KCNH7: variants seen among roughly 807,000 people sequenced by gnomAD.
KCNH7 encodes the protein voltage-gated inwardly rectifying potassium channel KCNH7.
Under a neutral mutation model 120.8 loss-of-function variants are expected in KCNH7, and 49 were observed. That is an observed-to-expected ratio of 0.41 (90% CI 0.32 to 0.51). KCNH7 has a LOEUF of 0.51. KCNH7 is among the 20% of genes least tolerant of loss of function. The pLI is 0.38. For missense variants in KCNH7, 1,097 were observed against 1,446.6 expected, an observed-to-expected ratio of 0.76 and a Z score of 3.92; for synonymous variants, 547 against 516.1, an observed-to-expected ratio of 1.06 and a Z score of -0.81.
chr2:162,460,745 AC>A (rs1689120027), intron 6 of KCNH7, among the ~76,000 whole-genome samples: 1 of 152,144 alleles, frequency 6.6e-6, no homozygotes, highest in Non-Finnish European at 1.5e-5. Context: ...GTTTTAAGCC[AC>A]CTAGTTCATG....
chr2:162,795,417 C>T (rs1284738273), intron 2 of KCNH7: 1 of 151,850 alleles, frequency 6.6e-6, no homozygotes, highest in African/African-American at 2.4e-5. Context: ...TTTTAAAGGA[C>T]ATTCAATTCA....
intron 2 of KCNH7, among the ~76,000 whole-genome samples, chr2:162,696,404 T>C (rs1686290035): frequency 6.6e-6 from 1 of 152,170 alleles, no homozygotes; most frequent in South Asian, 2.1e-4. Context: ...AATTCTATCA[T>C]CCCGAGTCCT....
rs1685948281 is a variant in KCNH7, at chr2:162,371,574, AAAAAAT to A, written c.*249_*254del. The A allele has an allele frequency of 1.2e-6, 1 of 862,778 alleles. No homozygotes were observed. The highest frequency in any genetic ancestry group is 1.6e-6 in the Non-Finnish European group (1 of 629,390). The allele number at this position is 862,778 out of a possible 1,614,324, so 53.4% of individuals were successfully genotyped here. On this transcript the variant is annotated 3_prime_UTR_variant, in exon 16 of 16. Transcript: ENST00000332142. Reference sequence around the variant, plus strand: ...GAGTTTCCTAACATGCATGTGATTTAAAAAATAAAAATAAAAAATAAGGTGCCGTGA... The same window carrying A: ...GAGTTTCCTAACATGCATGTGATTTAAAAAATAAAAAATAAGGTGCCGTGA...
At chr2:162,812,940 T>C (rs1181286572) in intron 2 of KCNH7, among the ~76,000 whole-genome samples, 2 of 152,038 alleles carry the variant, frequency 1.3e-5, no homozygotes, top group African/African-American at 2.4e-5. Context: ...AACTCAAAGA[T>C]TCCTGGAACT....
At chr2:162,741,252 AG>A (rs1202079643) in intron 2 of KCNH7, among the ~76,000 whole-genome samples, 1 of 149,708 alleles carries the variant, frequency 6.7e-6, no homozygotes, top group Non-Finnish European at 1.5e-5. Context: ...ATATGTTATT[AG>A]TTATACATAT....
intron 9 of KCNH7, among the ~76,000 whole-genome samples, chr2:162,401,075 C>A (rs985037913): frequency 6.6e-6 from 1 of 151,752 alleles, no homozygotes; most frequent in South Asian, 2.1e-4. Flanking sequence ...AAGTGTAGTC[C>A]GATATTCAGA....
intron 2 of KCNH7, among the ~76,000 whole-genome samples, chr2:162,687,991 A>G (rs1271527789): frequency 1.3e-5 from 2 of 152,160 alleles, no homozygotes; most frequent in African/African-American, 4.8e-5. Context: ...TACTAGTGAT[A>G]ATTTATAATA....
chr2:162,520,575 C>A (rs549949520), intron 3 of KCNH7, among the ~76,000 whole-genome samples: 26 of 151,740 alleles, frequency 1.7e-4, no homozygotes, highest in African/African-American at 6.3e-4. Context: ...ATCTGGGCAA[C>A]ATAGCAAGAA....
At chr2:162,660,037 G>C (rs562405989) in intron 2 of KCNH7, among the ~76,000 whole-genome samples, 20 of 152,038 alleles carry the variant, frequency 1.3e-4, no homozygotes, top group Non-Finnish European at 2.5e-4. Flanking sequence ...AGCCTGCCTA[G>C]AGGGTTATCA....
rs1271226647 is a variant in KCNH7 at position 162,423,457 on chromosome 2, A to C, written c.2033T>G (p.Met678Arg). The change falls in exon 9 of 16, where the codon ATG becomes AGG. Residue 678 changes from methionine (M) to arginine (R), a missense_variant. By Grantham distance (91) the Met-to-Arg change is moderately conservative. Coordinates refer to ENST00000332142, the MANE Select transcript of KCNH7 (RefSeq NM_033272.4). ...GAACTCTTTTACTCGCAGCATCTGC[A>C]TGTGGTACCTGGCAGTTCCCGAGTA... ...RLYSGTARYH[M>R]QMLRVKEFIR... 1 of 1,614,100 alleles carries C rather than the reference A, an allele frequency of 6.2e-7. No individual in the cohort carries two copies. Among genetic ancestry groups the C allele is most frequent in the Non-Finnish European group, 8.5e-7 (1 of 1,179,930 alleles).
At chr2:162,749,245 C>T (rs1420408970) in intron 2 of KCNH7, among the ~76,000 whole-genome samples, 1 of 151,486 alleles carries the variant, frequency 6.6e-6, no homozygotes, top group Non-Finnish European at 1.5e-5. Flanking sequence ...GAGATCTACC[C>T]AGTTAAGACT....
chr2:162,441,996 CTTCTTTTTTTTTTTTTT>C (rs1688430452), intron 7 of KCNH7, among the ~76,000 whole-genome samples: 1 of 14,542 alleles, frequency 6.9e-5, no homozygotes, highest in African/African-American at 2.0e-4. Context: ...ATAGTTAGGT[CTTCTTTTTTTTTTTTTT>C]TTTTTTTTTT....
At chr2:162,560,479 G>A (rs1693022188) in intron 2 of KCNH7, among the ~76,000 whole-genome samples, 1 of 152,192 alleles carries the variant, frequency 6.6e-6, no homozygotes. Flanking sequence ...CTGGACATCA[G>A]AGCAAGTAGG....
chr2:162,439,462 C>T (rs1336178765), intron 7 of KCNH7, among the ~76,000 whole-genome samples: 2 of 152,096 alleles, frequency 1.3e-5, no homozygotes, highest in African/African-American at 2.4e-5. Context: ...GCAAAGGGGA[C>T]ATAATGAACT....
At chr2:162,708,635 T>C (rs574334643) in intron 2 of KCNH7, among the ~76,000 whole-genome samples, 1 of 152,074 alleles carries the variant, frequency 6.6e-6, no homozygotes, top group South Asian at 2.1e-4. Context: ...TCTGGGAGGA[T>C]TAAAGATTGG....
chr2:162,549,143 T>C (rs545804781), intron 2 of KCNH7, among the ~76,000 whole-genome samples: 1 of 152,272 alleles, frequency 6.6e-6, no homozygotes, highest in African/African-American at 2.4e-5. Flanking sequence ...CTTATGAAAA[T>C]TTACCAGTAC....
At chr2:162,640,534 C>A (rs186805563) in intron 2 of KCNH7, among the ~76,000 whole-genome samples, 1 of 151,854 alleles carries the variant, frequency 6.6e-6, no homozygotes, top group Non-Finnish European at 1.5e-5. Flanking sequence ...AAGTCTCAAA[C>A]CTTGTGCAAA....
intron 2 of KCNH7, among the ~76,000 whole-genome samples, chr2:162,779,413 A>G (rs1364012945): frequency 6.6e-6 from 1 of 151,892 alleles, no homozygotes; most frequent in African/African-American, 2.4e-5. Context: ...GTTGGCCAGG[A>G]TGGTCTCGAT....
intron 2 of KCNH7, among the ~76,000 whole-genome samples, chr2:162,752,984 A>AAAAGAAAAG (rs1688644300): frequency 1.6e-5 from 2 of 128,950 alleles, no homozygotes; most frequent in African/African-American, 3.8e-5. Context: ...AAAAGAAAAG[A>AAAAGAAAAG]AAAGAAAAGA....
Sources: allele counts gnomAD v4.1 joint callset (sites outside exome capture counted in the v4.1 genomes callset), GRCh38; gene constraint gnomAD v4.1.1; transcripts MANE v1.5; gene names NCBI Gene and HGNC (gene_info 2026-07-23, HGNC 2026-07-21).